Variants in NAV3 observed in about 807,000 individuals in gnomAD.
The protein encoded by NAV3 is neuron navigator 3.
Under a neutral mutation model 244.7 loss-of-function variants are expected in NAV3, and 87 were observed. The observed-to-expected ratio is 0.36, with a 90% confidence interval of 0.30 to 0.42. NAV3 has a LOEUF of 0.42. Ranked by LOEUF, NAV3 falls within the 20% of genes least tolerant of loss-of-function variation. The pLI is 1.00. For missense variants in NAV3, 2,663 were observed against 2,893.3 expected, an observed-to-expected ratio of 0.92 and a Z score of 1.83; for synonymous variants, 1,126 against 1,042.2, an observed-to-expected ratio of 1.08 and a Z score of -1.55.
At chr12:77,814,485 A>C (rs565062546) in intron 2 of NAV3, among the ~76,000 whole-genome samples, 106 of 152,306 alleles carry the variant, frequency 7.0e-4, no homozygotes, top group African/African-American at 2.5e-3. Flanking sequence ...GAAAACAACA[A>C]TAAGGAGAGG....
intron 2 of NAV3, among the ~76,000 whole-genome samples, chr12:77,683,708 T>C (rs947002082): frequency 4.6e-5 from 7 of 152,198 alleles, no homozygotes; most frequent in African/African-American, 1.4e-4. Context: ...GGTGTGCTTT[T>C]ATGTCTGGCT....
chr12:78,134,902 T>C lies in NAV3; in HGVS notation c.4442-2275T>C, dbSNP rs373380006. ...GTGGCTTGGCTATGCAAATGCAATT[T>C]AAGACAAAGTTGGTAGCCCTCTTTT... On this transcript the variant is annotated intron_variant, in intron 18 of 39. Transcript: ENST00000397909. Among the ~76,000 whole-genome samples the C allele has an allele frequency of 3.9e-3, 600 of 152,336 alleles. 3 individuals are homozygous for C. Among genetic ancestry groups the C allele is most frequent in the African/African-American group, 0.014 (563 of 41,576 alleles).
chr12:77,616,741 C>T (rs1871158759), intron 2 of NAV3, among the ~76,000 whole-genome samples: 1 of 152,044 alleles, frequency 6.6e-6, no homozygotes, highest in South Asian at 2.1e-4. Context: ...CACACACACA[C>T]ACACACACAC....
rs544407943 is a variant in NAV3, at chr12:78,162,871, T to A, written c.4869+3585T>A. ...AGCAAGACTCTGTCTCAAAAAAAAATATATATATATAATATATATAATATA... is the reference window on the plus strand; with the variant it reads ...AGCAAGACTCTGTCTCAAAAAAAAAAATATATATATAATATATATAATATA... On this transcript the variant is annotated intron_variant, in intron 23 of 39. Transcript: ENST00000397909. Among the ~76,000 whole-genome samples the A allele has an allele frequency of 6.4e-3, 822 of 128,680 alleles. 3 individuals are homozygous for A. The highest frequency in any genetic ancestry group is 0.015 in the African/African-American group (524 of 35,420). The allele number at this position is 128,680 out of a possible 152,430, so 84.4% of individuals were successfully genotyped here. A position where few individuals can be genotyped will look rare whatever the true frequency, so the allele number is the denominator to read the frequency against.
At chr12:77,997,029 C>T (rs1054644910) in intron 6 of NAV3, among the ~76,000 whole-genome samples, 2 of 151,934 alleles carry the variant, frequency 1.3e-5, no homozygotes, top group African/African-American at 4.8e-5. Context: ...CACTTGAGGT[C>T]AGGAGTTCAA....
At position 78,007,376 on chromosome 12, in the gene NAV3, C is replaced by T. The variant is rs2136600139; in HGVS notation, c.1838C>T (p.Ala613Val). 6.2e-7 allele frequency: 1 copy of T among 1,614,170 alleles called. No individual in the cohort carries two copies. The highest frequency in any genetic ancestry group is 8.5e-7 in the Non-Finnish European group (1 of 1,180,024). ...QSSGQSTGNG[A>V]VQLPQQQQHS... Reference sequence around the variant, plus strand: ...AGTGGGCAGAGCACAGGAAATGGTGCTGTCCAACTCCCTCAACAGCAGCAA... The same window carrying T: ...AGTGGGCAGAGCACAGGAAATGGTGTTGTCCAACTCCCTCAACAGCAGCAA... Residue 613 changes from alanine to valine, a missense_variant, in exon 8 of 40, where the codon GCT becomes GTT. By Grantham distance (64) the Ala-to-Val change is moderately conservative. Transcript: ENST00000397909.
chr12:78,159,694 T>C (rs1957447050), intron 23 of NAV3, among the ~76,000 whole-genome samples: 1 of 152,108 alleles, frequency 6.6e-6, no homozygotes, highest in East Asian at 1.9e-4. Context: ...TATTCAATTC[T>C]ATACTAAATT....
intron 9 of NAV3, among the ~76,000 whole-genome samples, chr12:78,024,590 G>T (rs1382219988): frequency 1.3e-5 from 2 of 152,066 alleles, no homozygotes; most frequent in Non-Finnish European, 2.9e-5. Flanking sequence ...CTTTTACTTA[G>T]ATTACTCTCT....
intron 17 of NAV3, among the ~76,000 whole-genome samples, chr12:78,128,010 G>A (rs1955994164): frequency 1.3e-5 from 2 of 152,144 alleles, no homozygotes; most frequent in South Asian, 4.1e-4. Flanking sequence ...GCTAATTTTG[G>A]TGCTAAGAAT....
intron 2 of NAV3, among the ~76,000 whole-genome samples, chr12:77,776,065 T>C (rs968297120): frequency 2.6e-5 from 4 of 152,198 alleles, no homozygotes; most frequent in Admixed American, 6.5e-5. Flanking sequence ...TTGTTAAGTA[T>C]TGGGGAAGGC....
chr12:78,049,912 G>C, intron 9 of NAV3, 81 bp from the exon 10 acceptor site: 1 of 818,606 alleles, frequency 1.2e-6, no homozygotes, highest in Non-Finnish European at 2.0e-6. Flanking sequence ...TTAAGAAGAG[G>C]TGACTTAATT....
chr12:78,162,511 A>G (rs563994169), intron 23 of NAV3, among the ~76,000 whole-genome samples: 33 of 151,972 alleles, frequency 2.2e-4, no homozygotes, highest in Non-Finnish European at 4.0e-4. Context: ...TATCTCATAT[A>G]TATGTATCTC....
chr12:77,753,894 T>C (rs1425167806), intron 2 of NAV3, among the ~76,000 whole-genome samples: 1 of 152,188 alleles, frequency 6.6e-6, no homozygotes, highest in East Asian at 1.9e-4. Context: ...GTCATTCTAC[T>C]CATGGTTTAC....
intron 2 of NAV3, among the ~76,000 whole-genome samples, chr12:77,584,150 A>T (rs1336374908): frequency 6.6e-6 from 1 of 152,086 alleles, no homozygotes; most frequent in Admixed American, 6.5e-5. Context: ...ATTTTTACTC[A>T]TGTATTGTTT....
chr12:78,204,223 G>A (rs1336404611), intron 38 of NAV3, among the ~76,000 whole-genome samples: 2 of 151,262 alleles, frequency 1.3e-5, no homozygotes, highest in African/African-American at 4.9e-5. Context: ...GCGGAGGGGG[G>A]AGGGATAGCA....
At chr12:78,149,805 C>G (rs768073212) in intron 22 of NAV3, among the ~76,000 whole-genome samples, 26 of 152,034 alleles carry the variant, frequency 1.7e-4, no homozygotes, top group Non-Finnish European at 1.3e-4. Context: ...CAAGAGTGAG[C>G]AGGTGCAGAC....
intron 2 of NAV3, among the ~76,000 whole-genome samples, chr12:77,807,351 G>A (rs1872036059): frequency 1.3e-5 from 2 of 152,156 alleles, no homozygotes; most frequent in Admixed American, 6.5e-5. Flanking sequence ...TCCTTCAGGA[G>A]CTCTTGTAAG....
Position 78,144,206 on chromosome 12 carries a change from T to C in NAV3, c.4684-2163T>C, listed in dbSNP as rs188470682. Among the ~76,000 whole-genome samples the C allele has an allele frequency of 1.5e-4, 23 of 152,310 alleles. No homozygotes were observed. In the East Asian group the frequency reaches 4.2e-3, roughly 28 times the overall value. On this transcript the variant is annotated intron_variant, in intron 20 of 39. Transcript: ENST00000397909. ...GAGAGCAAGTGTCATTTTTGATTCA[T>C]TGTGGATTGTTTAACATGTTGCCTA... is the stretch of plus-strand genomic sequence containing the variant.
intron 21 of NAV3, among the ~76,000 whole-genome samples, chr12:78,148,493 A>G (rs1007182066): frequency 6.6e-6 from 1 of 152,138 alleles, no homozygotes; most frequent in Non-Finnish European, 1.5e-5. Flanking sequence ...TACAGTTTTT[A>G]TAAAGAAAAT....
Sources: gnomAD v4.1 joint callset for allele counts (sites outside exome capture counted in the v4.1 genomes callset) on GRCh38, gnomAD v4.1.1 for gene constraint, MANE v1.5 for transcripts, NCBI Gene and HGNC (gene_info 2026-07-23, HGNC 2026-07-21) for gene names.